Variants in PGM1 observed in about 807,000 individuals in gnomAD.
PGM1 encodes phosphoglucomutase-1.
PGM1 carries 52 observed loss-of-function variants against 55.6 expected under a neutral mutation model. That is an observed-to-expected ratio of 0.94 (90% confidence interval 0.75 to 1.18). The LOEUF (loss-of-function observed/expected upper bound fraction) is 1.18. Ranked by LOEUF, PGM1 falls within the 50% of genes most tolerant of loss-of-function variation. The pLI, the probability that PGM1 is intolerant of heterozygous loss-of-function variation, is 0.00. For missense variants in PGM1, 724 were observed against 729.3 expected (o/e 0.99, Z 0.08); for synonymous variants, 287 against 271.7 (o/e 1.06, Z -0.55).
chr1:63,647,780 A>G (rs1343426179), intron 7 of PGM1, among the ~76,000 whole-genome samples: 3 of 152,158 alleles, frequency 2.0e-5, no homozygotes, highest in Admixed American at 1.3e-4. Flanking sequence ...CTCTTGTTCT[A>G]TTAAGCTACC....
intron 1 of PGM1, among the ~76,000 whole-genome samples, chr1:63,620,795 A>G (rs1648861253): frequency 6.6e-6 from 1 of 152,184 alleles, no homozygotes; most frequent in African/African-American, 2.4e-5. Flanking sequence ...GAAGGGAGTA[A>G]TCCTTAAATC....
At chr1:63,618,056 C>T (rs1232396749) in intron 1 of PGM1, among the ~76,000 whole-genome samples, 1 of 152,116 alleles carries the variant, frequency 6.6e-6, no homozygotes, top group Non-Finnish European at 1.5e-5. Context: ...ACTATAGCCA[C>T]CCTGGTTTCA....
rs769710730 is a variant in PGM1 at position 63,654,401 on chromosome 1, G to A, written c.1534G>A (p.Ala512Thr). 5 of 1,613,998 alleles carry A rather than the reference G, an allele frequency of 3.1e-6. No homozygotes were observed. Among genetic ancestry groups the A allele is most frequent in the Non-Finnish European group, 4.2e-6 (5 of 1,179,876 alleles). The change falls in exon 10 of 11, where the codon GCC (alanine) becomes ACC (threonine). Residue 512 changes from alanine (A) to threonine (T), a missense_variant. By Grantham distance (58) the Ala-to-Thr change is moderately conservative. Around this residue, in one of 3 missense-constraint regions of PGM1, gnomAD observed 316 missense variants for 313.1 expected, o/e 1.01. Coordinates refer to ENST00000371084, the MANE Select transcript of PGM1 (RefSeq NM_002633.3). ...ACTGAGCGGCACTGGGAGTGCCGGG[G>A]CCACCATTCGGCTGTACATCGATAG... ...FRLSGTGSAG[A>T]TIRLYIDSYE...
chr1:63,645,065 T>G lies in PGM1; in HGVS notation c.1145-3452T>G, dbSNP rs568524533. 3.1e-4 allele frequency among the ~76,000 whole-genome samples: 47 copies of G among 152,368 alleles called. No individual in the cohort carries two copies. In the South Asian group the frequency reaches 9.3e-3, roughly 30 times the overall value. ...TGAAGAAAATGAAATTTGCTCCAAC[T>G]TCCTGAGTATTAATTGAATTACCTG... On this transcript the variant is annotated intron_variant, in intron 7 of 10. Coordinates refer to ENST00000371084, the MANE Select transcript of PGM1 (RefSeq NM_002633.3).
chr1:63,602,349 T>A (rs855320), intron 1 of PGM1, among the ~76,000 whole-genome samples: 6 of 152,078 alleles, frequency 3.9e-5, no homozygotes, highest in East Asian at 1.9e-4. Context: ...AAGAATCTTC[T>A]CAGATTTAAG....
At chr1:63,651,485 T>C in intron 8 of PGM1, 184 bp from the exon 9 acceptor site, 1 of 603,658 alleles carries the variant, frequency 1.7e-6, no homozygotes, top group Non-Finnish European at 3.0e-6. Context: ...CTCCAAACCC[T>C]TCCTTTCATC....
rs191070700 is a variant in PGM1, at chr1:63,595,335, G to A, written c.246+1601G>A. Among the ~76,000 whole-genome samples, 893 of 152,244 alleles carry A rather than the reference G, an allele frequency of 5.9e-3. 8 individuals are homozygous for A. Among genetic ancestry groups the A allele is most frequent in the African/African-American group, 0.02 (831 of 41,548 alleles). ...TAAATAATTTACAAAAACTATAATG[G>A]CAGCACTAAGAGTCCAATATAGATC... On this transcript the variant is annotated intron_variant, in intron 1 of 10. Transcript: ENST00000371084.
At chr1:63,636,460 T>G in intron 6 of PGM1, 72 bp downstream of exon 6, 1 of 1,415,124 alleles carries the variant, frequency 7.1e-7, no homozygotes, top group African/African-American at 1.4e-5. Context: ...TCACTGTGCC[T>G]GGAACACGTG....
At chr1:63,641,009 A>G (rs1490850746) in intron 7 of PGM1, among the ~76,000 whole-genome samples, 1 of 152,204 alleles carries the variant, frequency 6.6e-6, no homozygotes, top group Non-Finnish European at 1.5e-5. Context: ...GAAGTTGCAT[A>G]ATACTGTTTA....
At chr1:63,652,829 T>A (rs1649845314) in intron 9 of PGM1, among the ~76,000 whole-genome samples, 1 of 152,196 alleles carries the variant, frequency 6.6e-6, no homozygotes, top group African/African-American at 2.4e-5. Flanking sequence ...CCTCAACTTC[T>A]AGCACAAGTG....
At chr1:63,644,624 A>C (rs1649604077) in intron 7 of PGM1, among the ~76,000 whole-genome samples, 1 of 152,218 alleles carries the variant, frequency 6.6e-6, no homozygotes, top group South Asian at 2.1e-4. Flanking sequence ...TATTCGAAAC[A>C]GTATCTAGTA....
chr1:63,629,737 T>G, intron 2 of PGM1, 150 bp downstream of exon 2: 2 of 933,970 alleles, frequency 2.1e-6, no homozygotes, highest in South Asian at 2.8e-5. Context: ...AGTGAAATGC[T>G]TCTCATTTGA....
At chr1:63,635,423 A>T (rs1194480984) in intron 5 of PGM1, among the ~76,000 whole-genome samples, 1 of 152,186 alleles carries the variant, frequency 6.6e-6, no homozygotes, top group Non-Finnish European at 1.5e-5. Flanking sequence ...CATGAGCTGA[A>T]TATTGAAGCT....
chr1:63,594,048 T>G, intron 1 of PGM1: 1 of 1,076,530 alleles, frequency 9.3e-7, no homozygotes, highest in Non-Finnish European at 1.1e-6. Context: ...CCTCTCCCCG[T>G]CCCCCGCCCC....
chr1:63,594,049 C>T, intron 1 of PGM1: 2 of 1,090,700 alleles, frequency 1.8e-6, no homozygotes, highest in Middle Eastern at 4.0e-4. Flanking sequence ...CTCTCCCCGT[C>T]CCCCGCCCCT....
At chr1:63,635,489 C>G (rs1443324744) in intron 5 of PGM1, among the ~76,000 whole-genome samples, 2 of 152,166 alleles carry the variant, frequency 1.3e-5, no homozygotes, top group African/African-American at 2.4e-5. Flanking sequence ...TTTAATCATT[C>G]TCTACCATTA....
At chr1:63,649,983 C>T (rs992453006) in intron 8 of PGM1, among the ~76,000 whole-genome samples, 5 of 152,096 alleles carry the variant, frequency 3.3e-5, no homozygotes, top group Admixed American at 6.5e-5. Context: ...TGAACAATAG[C>T]CAGAGTAGAA....
At chr1:63,654,249 C>T (rs1649895808) in intron 9 of PGM1, 83 bp from the exon 10 acceptor site, 1 of 1,349,358 alleles carries the variant, frequency 7.4e-7, no homozygotes, top group East Asian at 2.3e-5. Context: ...GATGAAATTA[C>T]ATCCCCAAAT....
intron 10 of PGM1, among the ~76,000 whole-genome samples, chr1:63,657,674 C>T (rs1305355448): frequency 6.6e-6 from 1 of 152,200 alleles, no homozygotes; most frequent in Non-Finnish European, 1.5e-5. Context: ...TTTCTCCTTC[C>T]TGTGTCTGTG....
Sources: gnomAD v4.1 joint callset for allele counts (sites outside exome capture counted in the v4.1 genomes callset) on GRCh38, gnomAD v4.1.1 for gene constraint, gnomAD v4.1.1 regional missense constraint, MANE v1.5 for transcripts, NCBI Gene and HGNC (gene_info 2026-07-23, HGNC 2026-07-21) for gene names.